CSNK1A1: variants seen among roughly 807,000 people sequenced by gnomAD.
The protein encoded by CSNK1A1 is casein kinase I isoform alpha.
In CSNK1A1, 7 loss-of-function variants were observed where a neutral mutation model predicts 46.1. The observed-to-expected ratio is 0.15, with a 90% CI of 0.09 to 0.29. The LOEUF (loss-of-function observed/expected upper bound fraction) is 0.29. Among genes scored for constraint, CSNK1A1 ranks in the 10% least tolerant of loss-of-function variants. CSNK1A1 has a pLI of 1.00. For missense variants in CSNK1A1, 96 were observed against 417.1 expected, an observed-to-expected ratio of 0.23 and a Z score of 6.71; for synonymous variants, 137 against 141.5, an observed-to-expected ratio of 0.97 and a Z score of 0.23.
At chr5:149,547,290 G>C (rs1762512557) in intron 2 of CSNK1A1, among the ~76,000 whole-genome samples, 1 of 152,018 alleles carries the variant, frequency 6.6e-6, no homozygotes, top group Non-Finnish European at 1.5e-5. Context: ...CTTATAATAG[G>C]CACCTATTAC....
At chr5:149,542,439 C>A (rs1357503745) in intron 2 of CSNK1A1, among the ~76,000 whole-genome samples, 1 of 142,096 alleles carries the variant, frequency 7.0e-6, no homozygotes, top group East Asian at 2.0e-4. Context: ...CCCACCCCCA[C>A]CCCACCCCCT....
In CSNK1A1 at chr5:149,493,816, T is replaced by C. The variant is rs1400658427; in HGVS notation, c.*3037A>G. ...GACACCACTTCTTTACTATACTTCA[T>C]ATAGATGTCCTCACATCTTGATTTA... is the stretch of plus-strand genomic sequence containing the variant. On this transcript the variant is annotated 3_prime_UTR_variant, in exon 10 of 10. Coordinates refer to ENST00000377843, the MANE Select transcript of CSNK1A1 (RefSeq NM_001892.6). The C allele has an allele frequency of 1.3e-5, 2 of 152,194 alleles. No individual in the cohort carries two copies. The highest frequency in any genetic ancestry group is 4.8e-5 in the African/African-American group (2 of 41,440). 9.4% of individuals were successfully genotyped at this position (152,194 alleles called of 1,614,324 possible). A position where few individuals can be genotyped will look rare whatever the true frequency, so the allele number is the denominator to read the frequency against.
chr5:149,532,554 G>A (rs543218359), intron 2 of CSNK1A1, among the ~76,000 whole-genome samples: 54 of 152,082 alleles, frequency 3.6e-4, no homozygotes, highest in South Asian at 2.9e-3. Context: ...TCAGCCGGGC[G>A]TGGCGTTGGG....
intron 9 of CSNK1A1, chr5:149,503,482 T>C: frequency 1.0e-6 from 1 of 985,438 alleles, no homozygotes; most frequent in Non-Finnish European, 1.2e-6. Flanking sequence ...GTCAATGACA[T>C]GTGATGTGTT....
intron 9 of CSNK1A1, among the ~76,000 whole-genome samples, chr5:149,500,707 G>A (rs1034413688): frequency 2.0e-5 from 3 of 152,006 alleles, no homozygotes; most frequent in African/African-American, 7.2e-5. Context: ...GATTATAGGA[G>A]TGAGCCACAG....
At chr5:149,534,674 T>C (rs892187584) in intron 2 of CSNK1A1, among the ~76,000 whole-genome samples, 27 of 152,036 alleles carry the variant, frequency 1.8e-4, no homozygotes, top group African/African-American at 5.3e-4. Flanking sequence ...CTCACACCTG[T>C]AATCCCAACA....
At chr5:149,546,323 G>A (rs879429258) in intron 2 of CSNK1A1, among the ~76,000 whole-genome samples, 2 of 151,870 alleles carry the variant, frequency 1.3e-5, no homozygotes, top group African/African-American at 2.4e-5. Context: ...TCTGTTGTAA[G>A]ATATACCAAA....
intron 7 of CSNK1A1, among the ~76,000 whole-genome samples, chr5:149,509,545 C>T (rs1374175925): frequency 3.9e-5 from 6 of 152,306 alleles, no homozygotes; most frequent in African/African-American, 1.2e-4. Context: ...GGACCACAGA[C>T]GTGTATCACT....
Position 149,504,818 on chromosome 5 carries a change from A to G in CSNK1A1, c.1006+629T>C, listed in dbSNP as rs899369842. The G allele has an allele frequency of 2.0e-5, 20 of 985,458 alleles. 1 individual carries two copies. The African/African-American group carries it at 3.3e-4, about 16-fold the overall frequency. The allele number at this position is 985,458 out of a possible 1,614,324, so 61.0% of individuals were successfully genotyped here. On this transcript the variant is annotated intron_variant, in intron 9 of 9. Transcript: ENST00000377843. ...TAAGATCATACGTAAACTGCAAATA[A>G]AAGAATTATTTTTGTGACTAGAAAA...
intron 2 of CSNK1A1, among the ~76,000 whole-genome samples, chr5:149,547,408 C>T (rs1354647254): frequency 6.6e-6 from 1 of 152,314 alleles, no homozygotes; most frequent in East Asian, 1.9e-4. Flanking sequence ...GATAAAAGGA[C>T]ATGTACTGTA....
At position 149,508,657 on chromosome 5, in the gene CSNK1A1, G is replaced by A. The variant is rs1761114075; in HGVS notation, c.750+1222C>T. 2.0e-5 allele frequency among the ~76,000 whole-genome samples: 3 copies of A among 152,204 alleles called. No homozygotes were observed. The South Asian group carries it at 6.2e-4, about 31-fold the overall frequency. On this transcript the variant is annotated intron_variant, in intron 7 of 9. Transcript: ENST00000377843. ...TGTATTCCTGTATTGTTGGACAGCTGCTATTTTGGATTGCTCCAATCTGTC... is the reference window on the plus strand; with the variant it reads ...TGTATTCCTGTATTGTTGGACAGCTACTATTTTGGATTGCTCCAATCTGTC...
chr5:149,551,210 A>T lies in CSNK1A1; in HGVS notation c.-246T>A. 3.0e-6 allele frequency: 1 copy of T among 330,690 alleles called. No individual in the cohort carries two copies. Among genetic ancestry groups the T allele is most frequent in the Non-Finnish European group, 5.6e-6 (1 of 179,800 alleles). The allele number at this position is 330,690 out of a possible 1,614,324, so 20.5% of individuals were successfully genotyped here. ...TTCTCGGCGGTTACCAGGCTGGGCCACTTGTTTCTCGGCGGCCGCCGCTGC... is the reference window on the plus strand; with the variant it reads ...TTCTCGGCGGTTACCAGGCTGGGCCTCTTGTTTCTCGGCGGCCGCCGCTGC... On this transcript the variant is annotated 5_prime_UTR_variant, in exon 1 of 10. Coordinates refer to ENST00000377843, the MANE Select transcript of CSNK1A1 (RefSeq NM_001892.6).
chr5:149,504,246 G>T, intron 9 of CSNK1A1: 2 of 985,370 alleles, frequency 2.0e-6, no homozygotes, highest in Non-Finnish European at 2.4e-6. Context: ...ACAAAAACAT[G>T]GAATAGAAGC....
intron 9 of CSNK1A1, chr5:149,497,624 A>G: frequency 1.0e-6 from 1 of 985,416 alleles, no homozygotes. Flanking sequence ...AAGGGAGAAA[A>G]TATGCCTGTC....
chr5:149,543,751 G>A (rs1762375602), intron 2 of CSNK1A1, among the ~76,000 whole-genome samples: 1 of 152,154 alleles, frequency 6.6e-6, no homozygotes, highest in Non-Finnish European at 1.5e-5. Context: ...AGCTGGGAGA[G>A]GTGGTATTCA....
Position 149,513,103 on chromosome 5 carries a change from G to C in CSNK1A1, c.563C>G (p.Ala188Gly). 3 of 1,614,076 alleles carry C rather than the reference G, an allele frequency of 1.9e-6. No individual in the cohort carries two copies. Among genetic ancestry groups the C allele is most frequent in the Non-Finnish European group, 1.7e-6 (2 of 1,179,974 alleles). The stretch of plus-strand genomic sequence containing the variant: ...AATACCAAGATGTGCATTGATGCTA[G>C]CATATCGGGCAGTGCCAGTGAGGTT... ...DKNLTGTARY[A>G]SINAHLGIEQ... Residue 188 changes from alanine (A) to glycine (G), a missense_variant, in exon 5 of 10, where the codon GCT (alanine) becomes GGT (glycine). Coordinates refer to ENST00000377843, the MANE Select transcript of CSNK1A1 (RefSeq NM_001892.6).
At chr5:149,532,273 A>G (rs964571142) in intron 2 of CSNK1A1, among the ~76,000 whole-genome samples, 3 of 152,128 alleles carry the variant, frequency 2.0e-5, no homozygotes, top group Admixed American at 6.5e-5. Flanking sequence ...ATTTTAAGAT[A>G]CCTGCAACAA....
chr5:149,512,567 G>A (rs78341500), intron 5 of CSNK1A1, among the ~76,000 whole-genome samples: 20,369 of 152,172 alleles, frequency 0.13, 1,497 homozygotes, highest in Non-Finnish European at 0.17. Flanking sequence ...AATAGGAAGA[G>A]AGCAGAGACT....
chr5:149,531,870 TATAC>T (rs2113146485), intron 2 of CSNK1A1, among the ~76,000 whole-genome samples: 1 of 151,288 alleles, frequency 6.6e-6, no homozygotes, highest in Non-Finnish European at 1.5e-5. Flanking sequence ...GATATAGTAA[TATAC>T]ATACTCTCCT....
Sources: allele counts gnomAD v4.1 joint callset (sites outside exome capture counted in the v4.1 genomes callset), GRCh38; gene constraint gnomAD v4.1.1; transcripts MANE v1.5; gene names NCBI Gene and HGNC (gene_info 2026-07-23, HGNC 2026-07-21).